Variants in DPP10 observed in about 807,000 individuals in gnomAD.
DPP10 encodes dipeptidyl peptidase like 10.
Under a neutral mutation model 120.9 loss-of-function variants are expected in DPP10, and 33 were observed. That is an observed-to-expected ratio of 0.27 (90% CI 0.21 to 0.37). The LOEUF is 0.37. DPP10 is among the 10% of genes least tolerant of loss of function. The pLI is 1.00. For synonymous variants in DPP10, 337 were observed against 326.1 expected (o/e 1.03, Z -0.36); for missense variants, 816 against 942.8 (o/e 0.87, Z 1.76).
chr2:114,670,956 T>C (rs1300410925), intron 1 of DPP10, among the ~76,000 whole-genome samples: 1 of 152,122 alleles, frequency 6.6e-6, no homozygotes, highest in Non-Finnish European at 1.5e-5. Context: ...AATTCTGTTT[T>C]AACATATTAT....
intron 1 of DPP10, among the ~76,000 whole-genome samples, chr2:114,976,022 A>G (rs570006575): frequency 6.6e-6 from 1 of 152,350 alleles, no homozygotes; most frequent in East Asian, 1.9e-4. Context: ...AATAAACCAA[A>G]TAAGTTTTAC....
chr2:115,790,019 TATGTATATATGCAAACATATATGTGA>T (rs1228949356), intron 17 of DPP10, among the ~76,000 whole-genome samples: 2 of 152,018 alleles, frequency 1.3e-5, no homozygotes, highest in African/African-American at 4.8e-5. Context: ...GTGTGTACAA[TATGTATATATGCAAACATATATGTGA>T]ATGTATATAT....
At chr2:115,200,901 G>T (rs988874632) in intron 1 of DPP10, among the ~76,000 whole-genome samples, 2 of 152,108 alleles carry the variant, frequency 1.3e-5, no homozygotes, top group African/African-American at 4.8e-5. Context: ...TTATCCCAAA[G>T]AAATAATGCT....
chr2:115,737,060 T>C (rs1038423650), intron 8 of DPP10, among the ~76,000 whole-genome samples: 12 of 152,118 alleles, frequency 7.9e-5, no homozygotes, highest in African/African-American at 2.9e-4. Flanking sequence ...CTTATTGTCT[T>C]TCAGTGCCAC....
intron 1 of DPP10, among the ~76,000 whole-genome samples, chr2:114,568,049 TAA>T (rs34026877): frequency 0.022 from 2,839 of 127,522 alleles, 69 homozygotes; most frequent in African/African-American, 0.065. Context: ...AGAGATACTG[TAA>T]AAAAAAAAAA....
intron 1 of DPP10, among the ~76,000 whole-genome samples, chr2:114,519,863 T>G (rs1371913518): frequency 6.6e-6 from 1 of 152,240 alleles, no homozygotes; most frequent in Non-Finnish European, 1.5e-5. Context: ...GTCTACAAAA[T>G]ATACCCTTAC....
rs560391494 is a variant in DPP10 at position 114,876,763 on chromosome 2, C to A, written c.61-432476C>A. Among the ~76,000 whole-genome samples, 33 of 151,812 alleles carry A rather than the reference C, an allele frequency of 2.2e-4. 1 individual carries two copies. The highest frequency in any genetic ancestry group is 1.2e-3 in the South Asian group (6 of 4,826). Reference sequence around the variant, plus strand: ...TCATTTTTCTCCATCTTCCCTGATACCTTCTACACCAGGAATTCTTAATCT... The same window carrying A: ...TCATTTTTCTCCATCTTCCCTGATAACTTCTACACCAGGAATTCTTAATCT... On this transcript the variant is annotated intron_variant, in intron 1 of 25. Transcript: ENST00000410059.
At chr2:114,906,275 T>C (rs1044944649) in intron 1 of DPP10, among the ~76,000 whole-genome samples, 1 of 151,540 alleles carries the variant, frequency 6.6e-6, no homozygotes, top group Non-Finnish European at 1.5e-5. Flanking sequence ...TCCCAGCTAC[T>C]AGGGAGGCTG....
chr2:114,596,563 T>C (rs1691925201), intron 1 of DPP10, among the ~76,000 whole-genome samples: 2 of 152,092 alleles, frequency 1.3e-5, no homozygotes, highest in South Asian at 4.1e-4. Context: ...TTTAACTATA[T>C]TTTTCCATTT....
intron 1 of DPP10, among the ~76,000 whole-genome samples, chr2:114,688,365 C>T (rs1377994105): frequency 6.6e-6 from 1 of 151,830 alleles, no homozygotes; most frequent in Non-Finnish European, 1.5e-5. Flanking sequence ...TTTTTTCTAC[C>T]TAGATGTACC....
chr2:114,727,569 G>T (rs1450397351), intron 1 of DPP10, among the ~76,000 whole-genome samples: 1 of 152,166 alleles, frequency 6.6e-6, no homozygotes, highest in African/African-American at 2.4e-5. Flanking sequence ...CATTGGCTTT[G>T]CAGGTGGTCT....
chr2:115,428,625 A>G (rs984650710), intron 3 of DPP10, among the ~76,000 whole-genome samples: 1 of 152,108 alleles, frequency 6.6e-6, no homozygotes, highest in Non-Finnish European at 1.5e-5. Flanking sequence ...TGAGGAAACC[A>G]TTCAGATGAC....
intron 4 of DPP10, among the ~76,000 whole-genome samples, chr2:115,500,010 A>G (rs2076602409): frequency 6.6e-6 from 1 of 151,954 alleles, no homozygotes; most frequent in Non-Finnish European, 1.5e-5. Flanking sequence ...TTTCTGGATC[A>G]GATAGAAAGG....
At chr2:115,711,161 G>T (rs370421618) in intron 7 of DPP10, among the ~76,000 whole-genome samples, 3 of 152,220 alleles carry the variant, frequency 2.0e-5, no homozygotes, top group African/African-American at 7.2e-5. Context: ...TTTCTGTGGG[G>T]TGAGGGGAGT....
intron 1 of DPP10, among the ~76,000 whole-genome samples, chr2:114,631,000 G>A (rs1204278772): frequency 1.3e-5 from 2 of 152,122 alleles, no homozygotes; most frequent in African/African-American, 2.4e-5. Flanking sequence ...AAAGGCTTGA[G>A]ATTATGGCTG....
chr2:114,666,717 A>G (rs2105598650), intron 1 of DPP10, among the ~76,000 whole-genome samples: 1 of 152,284 alleles, frequency 6.6e-6, no homozygotes, highest in Admixed American at 6.5e-5. Context: ...TAAATATAGA[A>G]ACTTGGACCC....
intron 21 of DPP10, among the ~76,000 whole-genome samples, chr2:115,834,851 C>T (rs1197748760): frequency 1.3e-5 from 2 of 152,048 alleles, no homozygotes; most frequent in Non-Finnish European, 2.9e-5. Context: ...CTTTGGGAGG[C>T]CGAGGCGGGT....
intron 1 of DPP10, among the ~76,000 whole-genome samples, chr2:115,229,938 A>G (rs2057654907): frequency 6.9e-6 from 1 of 145,546 alleles, no homozygotes; most frequent in African/African-American, 2.5e-5. Flanking sequence ...TTAGGATTGT[A>G]TTTCCTATTT....
At chr2:115,840,845 A>C in intron 25 of DPP10, 22 bp downstream of exon 25, 2 of 1,602,354 alleles carry the variant, frequency 1.2e-6, no homozygotes, top group Non-Finnish European at 1.7e-6. Flanking sequence ...TCTTAGAAGA[A>C]CGTGTTTTCC....
Sources: gnomAD v4.1 joint callset for allele counts (sites outside exome capture counted in the v4.1 genomes callset) on GRCh38, gnomAD v4.1.1 for gene constraint, MANE v1.5 for transcripts, NCBI Gene and HGNC (gene_info 2026-07-23, HGNC 2026-07-21) for gene names.